Variants in NCOA3 observed in about 807,000 individuals in gnomAD.
The protein encoded by NCOA3 is nuclear receptor coactivator 3.
A neutral mutation model predicts 158.8 loss-of-function variants in NCOA3; 51 were observed. That is an observed-to-expected ratio of 0.32 (90% CI 0.26 to 0.41). NCOA3 has a LOEUF of 0.41. Among genes scored for constraint, NCOA3 ranks in the 10% least tolerant of loss-of-function variants. NCOA3 has a pLI of 1.00. For synonymous variants in NCOA3, 537 were observed against 592.4 expected (o/e 0.91, Z 1.36); for missense variants, 1,510 against 1,746.6 (o/e 0.86, Z 2.41).
intron 3 of NCOA3, among the ~76,000 whole-genome samples, 178 bp downstream of exon 3, chr20:47,622,508 T>C (rs1448511855): frequency 1.3e-5 from 2 of 152,204 alleles, no homozygotes; most frequent in African/African-American, 4.8e-5. Context: ...GTTTTTTTTT[T>C]ATTGCTGATT....
At chr20:47,503,440 C>T (rs957600431) in intron 1 of NCOA3, among the ~76,000 whole-genome samples, 1 of 152,204 alleles carries the variant, frequency 6.6e-6, no homozygotes, top group African/African-American at 2.4e-5. Flanking sequence ...GTGAATCTCT[C>T]TTTCACGCCA....
At chr20:47,579,515 T>A (rs896182696) in intron 1 of NCOA3, among the ~76,000 whole-genome samples, 1 of 152,236 alleles carries the variant, frequency 6.6e-6, no homozygotes, top group Non-Finnish European at 1.5e-5. Context: ...GATTGTTGCC[T>A]TTGCAGAATC....
chr20:47,621,620 T>C (rs1474385803), intron 2 of NCOA3, among the ~76,000 whole-genome samples: 2 of 151,552 alleles, frequency 1.3e-5, no homozygotes, highest in Non-Finnish European at 1.5e-5. Flanking sequence ...TCAATGAAAT[T>C]TTAACCAAAG....
rs573848971 is a variant in NCOA3, at chr20:47,608,976, C to G, written c.-19-13253C>G. 1.0e-3 allele frequency among the ~76,000 whole-genome samples: 155 copies of G among 152,256 alleles called. 1 individual carries two copies. In the Middle Eastern group the frequency reaches 0.01, roughly 10 times the overall value. ...GGGGCATTTAGTTGTTAACCTGAAT[C>G]TACTTCTTTTATTAGTAAGAAACAT... On this transcript the variant is annotated intron_variant, in intron 2 of 22. Transcript: ENST00000371998.
intron 1 of NCOA3, among the ~76,000 whole-genome samples, chr20:47,579,947 T>C (rs1308555050): frequency 6.6e-6 from 1 of 152,180 alleles, no homozygotes; most frequent in African/African-American, 2.4e-5. Context: ...TGTCAAGGCT[T>C]GATTTGGTTG....
rs751526227 is a variant in NCOA3, at chr20:47,636,593, C to T, written c.2207C>T (p.Ala736Val). Residue 736 changes from alanine to valine, a missense_variant, in exon 12 of 23, where the codon GCA (alanine) becomes GTA (valine). Physicochemically the swap from Ala to Val is moderately conservative, Grantham distance 64. This residue lies in a region of NCOA3 where 1,017 missense variants were observed against 1,098.3 expected (regional missense o/e 0.93). Coordinates refer to ENST00000371998, the MANE Select transcript of NCOA3 (RefSeq NM_181659.3). ...QLSPKKKENN[A>V]LLRYLLDRDD... ...AGTCCTAAGAAGAAGGAGAATAATG[C>T]ACTTCTTAGATACCTGCTGGACAGG... 5 of 1,614,038 alleles carry T rather than the reference C, an allele frequency of 3.1e-6. No individual in the cohort carries two copies. In the African/African-American group the frequency reaches 6.7e-5, roughly 22 times the overall value.
At chr20:47,570,076 C>CT (rs976932135) in intron 1 of NCOA3, among the ~76,000 whole-genome samples, 2 of 152,206 alleles carry the variant, frequency 1.3e-5, no homozygotes, top group African/African-American at 2.4e-5. Context: ...TATTCTAAGT[C>CT]TTTTTTTATG....
intron 2 of NCOA3, among the ~76,000 whole-genome samples, chr20:47,605,068 A>G (rs2085923659): frequency 6.6e-6 from 1 of 152,116 alleles, no homozygotes; most frequent in African/African-American, 2.4e-5. Context: ...GTGTTTCACC[A>G]TGTTGGCCAG....
intron 22 of NCOA3, 103 bp from the exon 23 acceptor site, chr20:47,653,303 C>A: frequency 7.1e-7 from 1 of 1,398,708 alleles, no homozygotes; most frequent in Non-Finnish European, 9.8e-7. Context: ...TCAGCCAGAG[C>A]TGCACTGTAA....
Position 47,637,680 on chromosome 20 carries a change from T to A in NCOA3, c.2409T>A (p.Ile803=). The change falls in exon 13 of 23, where the codon ATT becomes ATA. Residue 803 remains isoleucine, a synonymous_variant. Coordinates refer to ENST00000371998, the MANE Select transcript of NCOA3 (RefSeq NM_181659.3). ...GAGACTTGGATAATCTAGATGCTAT[T>A]CTTGGTGATCTGACTAGTTCTGACT... is the stretch of plus-strand genomic sequence containing the variant. ...GSGDLDNLDA[I]LGDLTSSDFY... 1.2e-6 allele frequency: 2 copies of A among 1,609,876 alleles called. No individual in the cohort carries two copies. Among genetic ancestry groups the A allele is most frequent in the Non-Finnish European group, 1.7e-6 (2 of 1,178,312 alleles).
chr20:47,634,904 TTCTTCTTC>T (rs2086482777), intron 10 of NCOA3, among the ~76,000 whole-genome samples: 1 of 150,562 alleles, frequency 6.6e-6, no homozygotes, highest in Non-Finnish European at 1.5e-5. Flanking sequence ...TCTTCCTTTC[TTCTTCTTC>T]TCTTCTTCTT....
intron 1 of NCOA3, among the ~76,000 whole-genome samples, chr20:47,579,652 T>G (rs946837147): frequency 1.3e-5 from 2 of 152,228 alleles, no homozygotes; most frequent in Admixed American, 1.3e-4. Context: ...CTGTGACTAT[T>G]TGCGAATCTC....
intron 1 of NCOA3, among the ~76,000 whole-genome samples, chr20:47,563,287 T>G (rs1025780185): frequency 6.6e-6 from 1 of 152,176 alleles, no homozygotes; most frequent in African/African-American, 2.4e-5. Context: ...TATTTGTCAT[T>G]TTACCACTTA....
In NCOA3 at chr20:47,627,013, T is replaced by C; in HGVS notation, c.369T>C (p.Gly123=). ...ATATCCTATTTTAGGCATTGGATGGTTTCCTATTTGTGGTGAATCGAGACG... is the reference window on the plus strand; with the variant it reads ...ATATCCTATTTTAGGCATTGGATGGCTTCCTATTTGTGGTGAATCGAGACG... ...LGPLLLQALD[G]FLFVVNRDGN... is the part of the protein sequence containing the mutation. The change falls in exon 6 of 23, where the codon GGT becomes GGC. Residue 123 remains glycine, a synonymous_variant. Coordinates refer to ENST00000371998, the MANE Select transcript of NCOA3 (RefSeq NM_181659.3). The C allele has an allele frequency of 6.2e-7, 1 of 1,612,078 alleles. No individual in the cohort carries two copies. The highest frequency in any genetic ancestry group is 8.5e-7 in the Non-Finnish European group (1 of 1,179,226).
intron 1 of NCOA3, among the ~76,000 whole-genome samples, chr20:47,568,908 C>CAGGGTGGTGGTTAATGAAGGCT (rs2085245981): frequency 6.6e-6 from 1 of 151,458 alleles, no homozygotes; most frequent in Admixed American, 6.6e-5. Context: ...GCTGACTGAT[C>CAGGGTGGTGGTTAATGAAGGCT]AGGGTGGTGG....
intron 1 of NCOA3, among the ~76,000 whole-genome samples, chr20:47,563,702 C>T (rs1383124825): frequency 6.6e-6 from 1 of 151,796 alleles, no homozygotes; most frequent in African/African-American, 2.4e-5. Flanking sequence ...GCCTGACCAA[C>T]GTGGTGAAAT....
At chr20:47,581,794 A>T (rs1293020334) in intron 1 of NCOA3, among the ~76,000 whole-genome samples, 4 of 152,180 alleles carry the variant, frequency 2.6e-5, no homozygotes, top group Non-Finnish European at 4.4e-5. Flanking sequence ...CCTGCTGTTT[A>T]TATGTTCATG....
At chr20:47,648,911 A>T in intron 18 of NCOA3, 94 bp from the exon 19 acceptor site, 1 of 696,330 alleles carries the variant, frequency 1.4e-6, no homozygotes, top group South Asian at 1.7e-5. Context: ...GTGTTTGGAG[A>T]TATTACCTCA....
intron 1 of NCOA3, among the ~76,000 whole-genome samples, chr20:47,562,867 A>G (rs2085129619): frequency 6.6e-6 from 1 of 152,176 alleles, no homozygotes; most frequent in Non-Finnish European, 1.5e-5. Flanking sequence ...GTAATTATGC[A>G]GAACTTTTAA....
Sources: gnomAD v4.1 joint callset for allele counts (sites outside exome capture counted in the v4.1 genomes callset) on GRCh38, gnomAD v4.1.1 for gene constraint, gnomAD v4.1.1 regional missense constraint, MANE v1.5 for transcripts, NCBI Gene and HGNC (gene_info 2026-07-23, HGNC 2026-07-21) for gene names.